Variants in IFTAP observed in about 807,000 individuals in gnomAD.
The protein encoded by IFTAP is intraflagellar transport associated protein.
Under a neutral mutation model 19.4 loss-of-function variants are expected in IFTAP, and 19 were observed. That is an observed-to-expected ratio of 0.98 (90% CI 0.68 to 1.44). IFTAP has a LOEUF of 1.44. Among genes scored for constraint, IFTAP ranks in the 40% most tolerant of loss-of-function variants. IFTAP has a pLI of 0.00. For synonymous variants in IFTAP, 85 were observed against 83.5 expected (o/e 1.02, Z -0.10); for missense variants, 240 against 253.6 (o/e 0.95, Z 0.36).
At chr11:36,639,712 T>A (rs946975151) in intron 4 of IFTAP, among the ~76,000 whole-genome samples, 1 of 152,144 alleles carries the variant, frequency 6.6e-6, no homozygotes, top group African/African-American at 2.4e-5. Context: ...CACCAAGCCG[T>A]TCCTGAGGGA....
chr11:36,611,722 A>G (rs1019110978), intron 2 of IFTAP, among the ~76,000 whole-genome samples: 1 of 152,106 alleles, frequency 6.6e-6, no homozygotes, highest in African/African-American at 2.4e-5. Context: ...AATGGAAATG[A>G]AAAATTTAGG....
At chr11:36,643,885 C>T (rs577629464) in intron 4 of IFTAP, among the ~76,000 whole-genome samples, 2 of 152,210 alleles carry the variant, frequency 1.3e-5, no homozygotes, top group South Asian at 4.1e-4. Context: ...GACCTAAAAC[C>T]ATAAAAACCC....
chr11:36,597,809 T>C (rs1383530513), intron 1 of IFTAP: 1 of 152,168 alleles, frequency 6.6e-6, no homozygotes, highest in Admixed American at 6.5e-5. Context: ...TATTATTTTA[T>C]TTCTGCTGGC....
chr11:36,652,858 T>C (rs1311381988), intron 5 of IFTAP, among the ~76,000 whole-genome samples: 1 of 152,114 alleles, frequency 6.6e-6, no homozygotes, highest in African/African-American at 2.4e-5. Context: ...GTATATAGAA[T>C]TATGTGTATA....
At position 36,659,015 on chromosome 11, in the gene IFTAP, A is replaced by C; in HGVS notation, c.499-4A>C. The stretch of plus-strand genomic sequence containing the variant: ...GTTTTTTCCTCCTTTGTTACCTTTT[A>C]TAGATACTTGGAGATGAAGTTCAAC... On this transcript the variant is annotated splice_polypyrimidine_tract_variant and splice_region_variant and intron_variant, in intron 5 of 5. Coordinates refer to ENST00000334307, the MANE Select transcript of IFTAP (RefSeq NM_138787.4). 1.3e-6 allele frequency: 2 copies of C among 1,577,668 alleles called. No individual in the cohort carries two copies. Among genetic ancestry groups the C allele is most frequent in the Non-Finnish European group, 1.7e-6 (2 of 1,160,040 alleles).
In IFTAP at chr11:36,657,580, C is replaced by T. The variant is rs114449759; in HGVS notation, c.499-1439C>T. 2.0e-3 allele frequency among the ~76,000 whole-genome samples: 310 copies of T among 152,302 alleles called. 1 individual carries two copies. The highest frequency in any genetic ancestry group is 6.7e-3 in the African/African-American group (277 of 41,570). ...CTTAGTGGAAACTTCAAGGTTGATT[C>T]TTGCTGGTGTTTCTGTTGAGCAGGT... is the stretch of plus-strand genomic sequence containing the variant. On this transcript the variant is annotated intron_variant, in intron 5 of 5. Transcript: ENST00000334307.
intron 1 of IFTAP, among the ~76,000 whole-genome samples, chr11:36,608,125 A>G (rs1311355427): frequency 6.6e-6 from 1 of 152,260 alleles, no homozygotes; most frequent in African/African-American, 2.4e-5. Context: ...TTAAAGCTGT[A>G]AAGAATAACA....
chr11:36,641,486 T>C (rs975289733), intron 4 of IFTAP, among the ~76,000 whole-genome samples: 4 of 152,194 alleles, frequency 2.6e-5, no homozygotes, highest in African/African-American at 9.6e-5. Context: ...CCTGTTCTCA[T>C]TGGTTTCAAA....
rs150403898 is a variant in IFTAP, at chr11:36,614,012, C to T, written c.136+3773C>T. Among the ~76,000 whole-genome samples, 6 of 151,846 alleles carry T rather than the reference C, an allele frequency of 4.0e-5. No individual in the cohort carries two copies. In the East Asian group the frequency reaches 7.7e-4, roughly 20 times the overall value. ...ATACATGTGCCATGCTGGTGCACTG[C>T]ACCCACTAACTCCTCATCTAGCATT... On this transcript the variant is annotated intron_variant, in intron 2 of 5. Coordinates refer to ENST00000334307, the MANE Select transcript of IFTAP (RefSeq NM_138787.4).
intron 1 of IFTAP, chr11:36,598,024 G>A (rs1851348835): frequency 2.0e-5 from 3 of 152,064 alleles, no homozygotes; most frequent in South Asian, 2.1e-4. Flanking sequence ...CCAAAATGTG[G>A]CATCTTCATT....
chr11:36,598,167 A>T (rs1042357300), intron 1 of IFTAP: 2 of 152,054 alleles, frequency 1.3e-5, no homozygotes, highest in Non-Finnish European at 2.9e-5. Flanking sequence ...ATTAATTGTC[A>T]GCACTTGGGG....
At chr11:36,631,411 C>G (rs1852719976) in intron 2 of IFTAP, among the ~76,000 whole-genome samples, 1 of 151,376 alleles carries the variant, frequency 6.6e-6, no homozygotes, top group Non-Finnish European at 1.5e-5. Flanking sequence ...GTCACCTTAT[C>G]TCTGTTTCCC....
In IFTAP at chr11:36,610,078, C is replaced by A. The variant is rs1474901443; in HGVS notation, c.-23-3C>A. On this transcript the variant is annotated splice_polypyrimidine_tract_variant and splice_region_variant and intron_variant, in intron 1 of 5. Transcript: ENST00000334307. ...CTCTAGCTGGTATTTTTCTGTCTTG[C>A]AGATACTGTGGCCTCATGAATAGGA... 9.3e-6 allele frequency: 15 copies of A among 1,610,246 alleles called. No homozygotes were observed. Among genetic ancestry groups the A allele is most frequent in the Admixed American group, 1.7e-5 (1 of 59,712 alleles).
rs1260526106 is a variant in IFTAP at position 36,623,967 on chromosome 11, TTATATATATGTGTG to T, written c.137-9293_137-9280del. 9.2e-5 allele frequency among the ~76,000 whole-genome samples: 14 copies of T among 151,694 alleles called. No individual in the cohort carries two copies. The East Asian group carries it at 1.4e-3, about 15-fold the overall frequency. ...ACCTACAATAGAAAAAAATGTAAAA[TTATATATATGTGTG>T]TATATATATGTGTGTATATATATAT... On this transcript the variant is annotated intron_variant, in intron 2 of 5. Transcript: ENST00000334307.
At chr11:36,626,992 A>G (rs1195496668) in intron 2 of IFTAP, among the ~76,000 whole-genome samples, 1 of 151,312 alleles carries the variant, frequency 6.6e-6, no homozygotes, top group Non-Finnish European at 1.5e-5. Context: ...TACTATTCAT[A>G]CAACGGACTA....
chr11:36,637,100 G>A (rs1852985049), intron 4 of IFTAP, among the ~76,000 whole-genome samples: 2 of 152,112 alleles, frequency 1.3e-5, no homozygotes, highest in Non-Finnish European at 2.9e-5. Context: ...AGTGTTGGGG[G>A]AGGATGGCTT....
chr11:36,620,091 G>T (rs888233951), intron 2 of IFTAP, among the ~76,000 whole-genome samples: 7 of 151,994 alleles, frequency 4.6e-5, no homozygotes, highest in African/African-American at 1.4e-4. Flanking sequence ...TAAGGAAGCG[G>T]TGTTATTTTA....
At chr11:36,645,776 GAA>G (rs1312032455) in intron 4 of IFTAP, among the ~76,000 whole-genome samples, 2 of 152,002 alleles carry the variant, frequency 1.3e-5, no homozygotes, top group Non-Finnish European at 2.9e-5. Flanking sequence ...TTTTATATAT[GAA>G]AGTCTTATTC....
intron 2 of IFTAP, among the ~76,000 whole-genome samples, chr11:36,620,418 A>G (rs949423448): frequency 3.3e-5 from 5 of 151,984 alleles, no homozygotes; most frequent in African/African-American, 1.2e-4. Flanking sequence ...CTAAATCACT[A>G]CACTTAGGGA....
Sources: gnomAD v4.1 joint callset for allele counts (sites outside exome capture counted in the v4.1 genomes callset) on GRCh38, gnomAD v4.1.1 for gene constraint, MANE v1.5 for transcripts, NCBI Gene and HGNC (gene_info 2026-07-23, HGNC 2026-07-21) for gene names.